The following STAB2 variants were observed in gnomAD, a reference collection of about 807,000 sequenced individuals.
STAB2 encodes the protein stabilin-2.
In STAB2, 288 loss-of-function variants were observed where a neutral mutation model predicts 338.1. That is an observed-to-expected ratio of 0.85 (90% CI 0.77 to 0.94). The LOEUF is 0.94. STAB2 is among the 40% of genes least tolerant of loss of function. STAB2 has a pLI of 0.00. For synonymous variants in STAB2, 1,202 were observed against 1,193.3 expected (o/e 1.01, Z -0.15); for missense variants, 3,141 against 3,210.1 (o/e 0.98, Z 0.52).
intron 51 of STAB2, among the ~76,000 whole-genome samples, chr12:103,733,778 C>A (rs533559226): frequency 6.6e-6 from 1 of 151,898 alleles, no homozygotes; most frequent in Non-Finnish European, 1.5e-5. Flanking sequence ...CATATAGGAA[C>A]ATATATGATC....
intron 32 of STAB2, 37 bp downstream of exon 32, chr12:103,695,685 G>C (rs138768166): frequency 1.2e-6 from 2 of 1,613,972 alleles, no homozygotes; most frequent in African/African-American, 2.7e-5. Flanking sequence ...ACCATGCTCA[G>C]GTTACCCAGG....
chr12:103,757,181 T>C (rs1035681394), intron 63 of STAB2, among the ~76,000 whole-genome samples: 1 of 151,762 alleles, frequency 6.6e-6, no homozygotes, highest in Admixed American at 6.6e-5. Flanking sequence ...CTCAACCTCC[T>C]GGGCTCAAGG....
chr12:103,617,419 A>G (rs141589733), intron 3 of STAB2, among the ~76,000 whole-genome samples: 43 of 152,368 alleles, frequency 2.8e-4, no homozygotes, highest in African/African-American at 1.0e-3. Context: ...AATAGCAACT[A>G]TCATTCGTTA....
chr12:103,738,872 A>T (rs1238932678), intron 53 of STAB2, among the ~76,000 whole-genome samples: 2 of 152,232 alleles, frequency 1.3e-5, no homozygotes, highest in African/African-American at 2.4e-5. Flanking sequence ...TCTGTATAAC[A>T]GATTTTCCCT....
At chr12:103,732,110 A>G (rs147632557) in intron 50 of STAB2, among the ~76,000 whole-genome samples, 2,089 of 152,214 alleles carry the variant, frequency 0.014, 54 homozygotes, top group African/African-American at 0.048. Context: ...GGAGTTTGAT[A>G]CCAGCCTGGC....
At chr12:103,614,727 A>G (rs1957183094) in intron 3 of STAB2, among the ~76,000 whole-genome samples, 2 of 152,294 alleles carry the variant, frequency 1.3e-5, no homozygotes, top group South Asian at 4.1e-4. Context: ...ATCCCATGCA[A>G]AGGCACATCA....
intron 2 of STAB2, among the ~76,000 whole-genome samples, chr12:103,591,796 A>G (rs1165647889): frequency 6.6e-6 from 1 of 152,202 alleles, no homozygotes; most frequent in East Asian, 1.9e-4. Flanking sequence ...CTCAAGGCTA[A>G]TTCTGGCAAA....
At chr12:103,747,016 G>T (rs151299102) in intron 58 of STAB2, among the ~76,000 whole-genome samples, 3,435 of 143,616 alleles carry the variant, frequency 0.024, 60 homozygotes, top group Non-Finnish European at 0.035. Flanking sequence ...GAGTGCAATG[G>T]TGCAATCTTG....
At chr12:103,642,966 G>A (rs1189343082) in intron 9 of STAB2, among the ~76,000 whole-genome samples, 1 of 152,158 alleles carries the variant, frequency 6.6e-6, no homozygotes, top group Non-Finnish European at 1.5e-5. Context: ...CTTATTATTT[G>A]TCTTGGTCTG....
rs1021576330 is a variant in STAB2, at chr12:103,598,637, T to C, written c.331+4127T>C. ...ATGAAAAGCAGGAAATAAATTACAC[T>C]TTTTCGTTAAAAATTTTGTTTAAAA... On this transcript the variant is annotated intron_variant, in intron 3 of 68. Coordinates refer to ENST00000388887, the MANE Select transcript of STAB2 (RefSeq NM_017564.10). 1.1e-4 allele frequency among the ~76,000 whole-genome samples: 17 copies of C among 152,200 alleles called. 1 individual carries two copies. The highest frequency in any genetic ancestry group is 2.1e-4 in the South Asian group (1 of 4,822).
intron 25 of STAB2, among the ~76,000 whole-genome samples, chr12:103,681,568 A>C (rs1046585688): frequency 7.2e-6 from 1 of 138,406 alleles, no homozygotes; most frequent in African/African-American, 2.7e-5. Flanking sequence ...TCACGTTCAG[A>C]TGTTGTTCTC....
intron 5 of STAB2, among the ~76,000 whole-genome samples, chr12:103,625,917 C>G (rs532352216): frequency 3.9e-5 from 6 of 152,202 alleles, no homozygotes; most frequent in East Asian, 3.9e-4. Flanking sequence ...AGTTCTAGAT[C>G]CCTGAGGAAT....
In STAB2 at chr12:103,677,550, T is replaced by C. The variant is rs781375572; in HGVS notation, c.2744T>C (p.Leu915Pro). ...GACTGCTCGGAGATCAACAACTGCC[T>C]GCTGCCCAGTGCAGGCGGCTGCCAC... ...GRDCSEINNC[L>P]LPSAGGCHDN... Residue 915 changes from leucine to proline, a missense_variant, in exon 25 of 69, where the codon CTG becomes CCG. Coordinates refer to ENST00000388887, the MANE Select transcript of STAB2 (RefSeq NM_017564.10). The C allele has an allele frequency of 2.0e-5, 33 of 1,614,090 alleles. No individual in the cohort carries two copies. Among genetic ancestry groups the C allele is most frequent in the Middle Eastern group, 1.6e-4 (1 of 6,084 alleles).
At position 103,670,838 on chromosome 12, in the gene STAB2, T is replaced by A. The variant is rs566138723; in HGVS notation, c.2371+31T>A. 7.6e-6 allele frequency: 12 copies of A among 1,579,884 alleles called. No homozygotes were observed. The South Asian group carries it at 1.2e-4, about 16-fold the overall frequency. ...TGGCACTTCCAGAGCTTCCTTCCAC[T>A]CCTAAGCAAGGTTCCCTCTCGTGCT... On this transcript the variant is annotated intron_variant, in intron 22 of 68. Coordinates refer to ENST00000388887, the MANE Select transcript of STAB2 (RefSeq NM_017564.10).
intron 49 of STAB2, among the ~76,000 whole-genome samples, 176 bp from the exon 50 acceptor site, chr12:103,731,400 C>T (rs545022590): frequency 6.6e-6 from 1 of 152,314 alleles, no homozygotes; most frequent in African/African-American, 2.4e-5. Flanking sequence ...GCTTAGCCTA[C>T]TAGTCTCTAG....
chr12:103,756,996 AAT>A (rs869105400), intron 63 of STAB2, among the ~76,000 whole-genome samples: 776 of 56,282 alleles, frequency 0.014, 5 homozygotes, highest in Middle Eastern at 0.04. Context: ...AAGGAGGGAA[AAT>A]ATATATATAT....
intron 5 of STAB2, among the ~76,000 whole-genome samples, chr12:103,627,374 G>A (rs1957396852): frequency 6.6e-6 from 1 of 152,220 alleles, no homozygotes; most frequent in Admixed American, 6.5e-5. Flanking sequence ...TGGGAGCACA[G>A]GAGAGGGAGC....
Position 103,655,508 on chromosome 12 carries a change from C to T in STAB2, c.1661C>T (p.Thr554Ile), listed in dbSNP as rs1874112657. Reference protein sequence around the residue: ...LDEDGVGGPYTIFVPNNEALN... With the variant: ...LDEDGVGGPYIIFVPNNEALN... ...GAGGATGGAGTTGGTGGACCATACA[C>T]CATTTTTGTTCCAAATAATGAAGCA... Residue 554 changes from threonine (T) to isoleucine (I), a missense_variant, in exon 15 of 69, where the codon ACC becomes ATC. Coordinates refer to ENST00000388887, the MANE Select transcript of STAB2 (RefSeq NM_017564.10). 1.2e-6 allele frequency: 2 copies of T among 1,614,008 alleles called. No individual in the cohort carries two copies. Among genetic ancestry groups the T allele is most frequent in the East Asian group, 4.5e-5 (2 of 44,852 alleles).
At chr12:103,747,492 C>G (rs1011343846) in intron 58 of STAB2, among the ~76,000 whole-genome samples, 3 of 152,138 alleles carry the variant, frequency 2.0e-5, no homozygotes, top group African/African-American at 7.2e-5. Flanking sequence ...ATACCATAAG[C>G]CCAGCCTGGA....
Sources: gnomAD v4.1 joint callset for allele counts (sites outside exome capture counted in the v4.1 genomes callset) on GRCh38, gnomAD v4.1.1 for gene constraint, MANE v1.5 for transcripts, NCBI Gene and HGNC (gene_info 2026-07-23, HGNC 2026-07-21) for gene names.